The following CORO7 variants were observed in gnomAD, a reference collection of about 807,000 sequenced individuals.
The protein encoded by CORO7 is coronin 7.
Under a neutral mutation model 126.6 loss-of-function variants are expected in CORO7, and 107 were observed. The observed-to-expected ratio is 0.85, with a 90% CI of 0.72 to 0.99. The LOEUF (loss-of-function observed/expected upper bound fraction) is 0.99. Ranked by LOEUF, CORO7 falls within the 50% of genes least tolerant of loss-of-function variation. The pLI, the probability that CORO7 is intolerant of heterozygous loss-of-function variation, is 0.00. For synonymous variants in CORO7, 603 were observed against 536.8 expected (o/e 1.12, Z -1.70); for missense variants, 1,314 against 1,255.8 (o/e 1.05, Z -0.70).
intron 7 of CORO7, among the ~76,000 whole-genome samples, chr16:4,393,543 G>A (rs555453374): frequency 1.4e-4 from 22 of 152,322 alleles, no homozygotes; most frequent in African/African-American, 5.3e-4. Context: ...CTAAAAAGCT[G>A]CAATCTTCCA....
At chr16:4,393,550 T>A (rs2055472749) in intron 7 of CORO7, among the ~76,000 whole-genome samples, 1 of 152,174 alleles carries the variant, frequency 6.6e-6, no homozygotes, top group Non-Finnish European at 1.5e-5. Context: ...GCTGCAATCT[T>A]CCATGTGACT....
intron 9 of CORO7, chr16:4,383,221 T>A (rs2055066253): frequency 6.1e-6 from 2 of 327,208 alleles, no homozygotes; most frequent in Non-Finnish European, 1.2e-5. Flanking sequence ...CCTGCTGGGC[T>A]CTCCCACTCC....
intron 7 of CORO7, among the ~76,000 whole-genome samples, chr16:4,392,368 T>G (rs1454597168): frequency 6.6e-6 from 1 of 152,144 alleles, no homozygotes; most frequent in African/African-American, 2.4e-5. Flanking sequence ...TCTCGGGGTC[T>G]GCACCTCCGA....
chr16:4,378,392 C>T (rs573120178), intron 9 of CORO7, among the ~76,000 whole-genome samples: 2 of 152,152 alleles, frequency 1.3e-5, no homozygotes, highest in Non-Finnish European at 2.9e-5. Flanking sequence ...ACTCTGGAAC[C>T]TGGCTGCATC....
intron 7 of CORO7, among the ~76,000 whole-genome samples, chr16:4,393,602 G>C (rs1476841794): frequency 3.9e-5 from 6 of 152,178 alleles, no homozygotes; most frequent in African/African-American, 1.4e-4. Flanking sequence ...GGGCTCTGGG[G>C]CTCCGGGCTA....
intron 9 of CORO7, among the ~76,000 whole-genome samples, chr16:4,366,469 T>C (rs1029211753): frequency 8.6e-5 from 13 of 151,646 alleles, no homozygotes; most frequent in African/African-American, 2.9e-4. Flanking sequence ...AATGGGGACC[T>C]GGAAGGACTC....
chr16:4,359,528 C>T lies in CORO7; in HGVS notation c.2202G>A (p.Leu734=). ...VLGLDVAPST[L]LPSYDPDTGL... is the part of the protein sequence containing the mutation. ...CAGTGTCTGGGTCGTAGCTGGGCAG[C>T]AGGGTTGAGGGAGCCACGTCCAGGC... is the stretch of plus-strand genomic sequence containing the variant. Residue 734 remains leucine, a synonymous_variant, in exon 22 of 28, where the codon CTG becomes CTA. Coordinates refer to ENST00000251166, the MANE Select transcript of CORO7 (RefSeq NM_024535.5). 4 of 1,613,386 alleles carry T rather than the reference C, an allele frequency of 2.5e-6. No individual in the cohort carries two copies. The highest frequency in any genetic ancestry group is 3.4e-6 in the Non-Finnish European group (4 of 1,179,958).
Position 4,359,401 on chromosome 16 carries a change from C to A in CORO7, c.2251-16G>T. ...GGGTGTCGCCCTGCGGGGAAGAAGG[C>A]AGGCTGGGAACCCTCCGGCAACACT... On this transcript the variant is annotated splice_polypyrimidine_tract_variant and intron_variant, in intron 22 of 27. Transcript: ENST00000251166. 1.2e-6 allele frequency: 2 copies of A among 1,613,598 alleles called. No individual in the cohort carries two copies. Among genetic ancestry groups the A allele is most frequent in the East Asian group, 2.2e-5 (1 of 44,886 alleles).
At chr16:4,373,672 C>T (rs535527875) in intron 9 of CORO7, among the ~76,000 whole-genome samples, 27 of 152,250 alleles carry the variant, frequency 1.8e-4, no homozygotes, top group South Asian at 4.1e-4. Flanking sequence ...CTGACAGCCC[C>T]GGGGGAGCTG....
chr16:4,386,129 G>A (rs888646562), intron 9 of CORO7, among the ~76,000 whole-genome samples: 3 of 152,200 alleles, frequency 2.0e-5, no homozygotes, highest in African/African-American at 7.2e-5. Flanking sequence ...CTTCATGGGG[G>A]CTGGCAGAGC....
chr16:4,388,273 A>T (rs1291198946), intron 8 of CORO7, among the ~76,000 whole-genome samples: 2 of 152,168 alleles, frequency 1.3e-5, no homozygotes, highest in African/African-American at 2.4e-5. Flanking sequence ...TAGGTGACAA[A>T]GGATGAGGGG....
At chr16:4,381,884 G>A in intron 9 of CORO7, 1 of 1,604,966 alleles carries the variant, frequency 6.2e-7, no homozygotes, top group South Asian at 1.1e-5. Context: ...AAGAACGCTG[G>A]CCGGCTGCTC....
chr16:4,400,876 C>T (rs1046496820), intron 6 of CORO7, among the ~76,000 whole-genome samples: 5 of 151,764 alleles, frequency 3.3e-5, no homozygotes, highest in Admixed American at 6.6e-5. Context: ...ACCACACTCA[C>T]GCAGGATATT....
Position 4,355,858 on chromosome 16 carries a change from G to A in CORO7, c.2686-486C>T, listed in dbSNP as rs561550142. On this transcript the variant is annotated intron_variant, in intron 26 of 27. Coordinates refer to ENST00000251166, the MANE Select transcript of CORO7 (RefSeq NM_024535.5). ...AGTGGTGCAATCATGGCTCACTGCAGCCTTGACTTTCTGGGTGCAAGCAAT... is the reference window on the plus strand; with the variant it reads ...AGTGGTGCAATCATGGCTCACTGCAACCTTGACTTTCTGGGTGCAAGCAAT... Among the ~76,000 whole-genome samples, 11 of 151,534 alleles carry A rather than the reference G, an allele frequency of 7.3e-5. No homozygotes were observed. In the East Asian group the frequency reaches 2.0e-3, roughly 27 times the overall value.
At chr16:4,378,681 T>C (rs2054841063) in intron 9 of CORO7, among the ~76,000 whole-genome samples, 1 of 151,970 alleles carries the variant, frequency 6.6e-6, no homozygotes, top group Non-Finnish European at 1.5e-5. Flanking sequence ...TGCTAACTTC[T>C]TCCAGTGCTC....
At chr16:4,393,020 C>T (rs1282631331) in intron 7 of CORO7, among the ~76,000 whole-genome samples, 4 of 152,346 alleles carry the variant, frequency 2.6e-5, no homozygotes, top group Non-Finnish European at 2.9e-5. Flanking sequence ...ATCCCCACCT[C>T]GGCATCAGTC....
At chr16:4,356,534 G>C (rs1423703799) in intron 26 of CORO7, 2 of 152,500 alleles carry the variant, frequency 1.3e-5, no homozygotes, top group African/African-American at 4.8e-5. Context: ...CTGGGTTCAA[G>C]TGATTCTCCT....
intron 21 of CORO7, 54 bp from the exon 22 acceptor site, chr16:4,359,675 G>A (rs746125740): frequency 3.2e-6 from 5 of 1,539,536 alleles, no homozygotes; most frequent in African/African-American, 2.7e-5. Context: ...AGGGGCCTGG[G>A]GCAGGGAGAA....
At chr16:4,374,303 G>C (rs1460574309) in intron 9 of CORO7, among the ~76,000 whole-genome samples, 3 of 152,096 alleles carry the variant, frequency 2.0e-5, no homozygotes, top group African/African-American at 7.2e-5. Flanking sequence ...TTCCCTCCGC[G>C]CTGGGCCGCC....
Sources: allele counts gnomAD v4.1 joint callset (sites outside exome capture counted in the v4.1 genomes callset), GRCh38; gene constraint gnomAD v4.1.1; transcripts MANE v1.5; gene names NCBI Gene and HGNC (gene_info 2026-07-23, HGNC 2026-07-21).